The following SLC26A4 variants were observed in gnomAD, a reference collection of about 807,000 sequenced individuals.
SLC26A4 encodes the protein solute carrier family 26 member 4.
Under a neutral mutation model 90.4 loss-of-function variants are expected in SLC26A4, and 93 were observed. The observed-to-expected ratio is 1.03, with a 90% CI of 0.87 to 1.22. The LOEUF is 1.22. Among genes scored for constraint, SLC26A4 ranks in the 50% most tolerant of loss-of-function variants. The probability of loss-of-function intolerance (pLI) is 0.00; values close to 1 mark genes in which losing one functional copy is unlikely to be tolerated. For missense variants in SLC26A4, 1,127 were observed against 946.2 expected (o/e 1.19, Z -2.51); for synonymous variants, 393 against 354.6 (o/e 1.11, Z -1.22).
chr7:107,677,450 T>G (rs1791056672), intron 6 of SLC26A4, among the ~76,000 whole-genome samples: 1 of 152,144 alleles, frequency 6.6e-6, no homozygotes, highest in African/African-American at 2.4e-5. Flanking sequence ...TTTATTATTA[T>G]TATTATCACA....
In SLC26A4 at chr7:107,695,613, C is replaced by A. The variant is rs2188561; in HGVS notation, c.1438-320C>A. ...AGCTCAGGAATTTGAGACCAGCCTG[C>A]GTAACACAGTGAGACCTTGTCTCTA... is the stretch of plus-strand genomic sequence containing the variant. On this transcript the variant is annotated intron_variant, in intron 12 of 20. Transcript: ENST00000644269. Among the ~76,000 whole-genome samples, 29,268 of 151,992 alleles carry A rather than the reference C, an allele frequency of 0.19. 3,602 individuals are homozygous for A. The highest frequency in any genetic ancestry group is 0.42 in the South Asian group (2,001 of 4,814).
chr7:107,713,715 A>C (rs930872715), intron 20 of SLC26A4, among the ~76,000 whole-genome samples: 1 of 152,194 alleles, frequency 6.6e-6, no homozygotes, highest in Non-Finnish European at 1.5e-5. Context: ...CATAATAGCA[A>C]CATCAGAATT....
intron 3 of SLC26A4, among the ~76,000 whole-genome samples, chr7:107,669,291 T>G (rs1436581520): frequency 6.6e-6 from 1 of 152,178 alleles, no homozygotes; most frequent in Non-Finnish European, 1.5e-5. Flanking sequence ...ATTTTAAAAC[T>G]GTTGTACCAA....
In SLC26A4 at chr7:107,661,987, G is replaced by T. The variant is rs562873530; in HGVS notation, c.164+182G>T. The stretch of plus-strand genomic sequence containing the variant: ...CTCCACGCCGCCCTTCTGGTGGGAG[G>T]GTGGCTCCATCAGTCTCGGGCCCGA... On this transcript the variant is annotated intron_variant, in intron 2 of 20. Transcript: ENST00000644269. This position sits in a 1 kb window ranked among gnomAD's most constrained non-coding sequence, Gnocchi z 5.1. 1 of 667,346 alleles carries T rather than the reference G, an allele frequency of 1.5e-6. No individual in the cohort carries two copies. Among genetic ancestry groups the T allele is most frequent in the African/African-American group, 1.8e-5 (1 of 54,502 alleles). The allele number at this position is 667,346 out of a possible 1,614,324, so 41.3% of individuals were successfully genotyped here. A position where few individuals can be genotyped will look rare whatever the true frequency, so the allele number is the denominator to read the frequency against.
At chr7:107,683,588 C>CT in intron 8 of SLC26A4, 51 bp downstream of exon 8, 1 of 1,415,540 alleles carries the variant, frequency 7.1e-7, no homozygotes, top group Admixed American at 1.7e-5. Context: ...GTAAGTCAGT[C>CT]TTTTTTATTT....
intron 6 of SLC26A4, among the ~76,000 whole-genome samples, chr7:107,682,389 G>C (rs1484551399): frequency 1.3e-5 from 2 of 151,730 alleles, no homozygotes; most frequent in East Asian, 3.9e-4. Flanking sequence ...TTAAAAAAAA[G>C]ATTTGATGTA....
At chr7:107,708,704 A>T (rs554994628) in intron 18 of SLC26A4, among the ~76,000 whole-genome samples, 3,727 of 151,796 alleles carry the variant, frequency 0.025, 149 homozygotes, top group African/African-American at 0.085. Flanking sequence ...TTTTTTTTTA[A>T]AAAACAAAAA....
At chr7:107,709,400 G>A (rs1303143119) in intron 18 of SLC26A4, among the ~76,000 whole-genome samples, 1 of 152,166 alleles carries the variant, frequency 6.6e-6, no homozygotes, top group African/African-American at 2.4e-5. Context: ...AGCCTCCTGA[G>A]TAGCTGAGAC....
intron 6 of SLC26A4, among the ~76,000 whole-genome samples, chr7:107,680,139 A>C (rs1388953831): frequency 3.3e-5 from 4 of 122,754 alleles, no homozygotes; most frequent in Non-Finnish European, 4.7e-5. Flanking sequence ...ATTATATAAT[A>C]TAATCTTATC....
chr7:107,676,498 A>G (rs1791027262), intron 6 of SLC26A4, among the ~76,000 whole-genome samples: 1 of 152,220 alleles, frequency 6.6e-6, no homozygotes, highest in African/African-American at 2.4e-5. Context: ...TGTAGATCAC[A>G]CTAATTAGAT....
chr7:107,672,070 T>A, intron 3 of SLC26A4, 68 bp from the exon 4 acceptor site: 1 of 945,052 alleles, frequency 1.1e-6, no homozygotes, highest in South Asian at 1.3e-5. Flanking sequence ...GGAACCATTG[T>A]AAGTTGAGGA....
At chr7:107,694,236 G>T (rs1209440445) in intron 10 of SLC26A4, among the ~76,000 whole-genome samples, 167 bp from the exon 11 acceptor site, 7 of 152,142 alleles carry the variant, frequency 4.6e-5, no homozygotes, top group Admixed American at 4.6e-4. Flanking sequence ...TCAGTTTTGT[G>T]GCTTGAGCAA....
intron 19 of SLC26A4, 66 bp downstream of exon 19, chr7:107,710,265 C>G (rs1792146855): frequency 1.7e-6 from 2 of 1,188,694 alleles, no homozygotes; most frequent in Admixed American, 3.4e-5. Flanking sequence ...AAATGGCAAA[C>G]ATTACACAAG....
intron 18 of SLC26A4, among the ~76,000 whole-genome samples, chr7:107,709,207 C>T (rs1317053654): frequency 6.6e-6 from 1 of 152,174 alleles, no homozygotes; most frequent in African/African-American, 2.4e-5. Flanking sequence ...TGCTTTCTCC[C>T]CCAGTAATGA....
chr7:107,714,405 T>C (rs1252570673), intron 20 of SLC26A4, among the ~76,000 whole-genome samples: 1 of 152,118 alleles, frequency 6.6e-6, no homozygotes, highest in Non-Finnish European at 1.5e-5. Flanking sequence ...CAGGCAGAGA[T>C]TTCTGTGGAG....
At chr7:107,705,340 C>T (rs1045687023) in intron 18 of SLC26A4, among the ~76,000 whole-genome samples, 4 of 152,032 alleles carry the variant, frequency 2.6e-5, no homozygotes, top group African/African-American at 7.2e-5. Flanking sequence ...AGAGACCATT[C>T]GATGTCTGAC....
chr7:107,690,612 A>G (rs887735753), intron 10 of SLC26A4, among the ~76,000 whole-genome samples: 5 of 152,196 alleles, frequency 3.3e-5, no homozygotes, highest in African/African-American at 4.8e-5. Context: ...GAGCTATTCT[A>G]TTTTCAGGAA....
intron 19 of SLC26A4, 58 bp downstream of exon 19, chr7:107,710,257 A>G: frequency 8.1e-7 from 1 of 1,240,276 alleles, no homozygotes; most frequent in African/African-American, 1.5e-5. Context: ...ATTTCTATAA[A>G]TGGCAAACAT....
intron 17 of SLC26A4, 108 bp from the exon 18 acceptor site, chr7:107,704,223 A>G: frequency 3.0e-6 from 2 of 676,384 alleles, no homozygotes; most frequent in Non-Finnish European, 5.5e-6. Context: ...TAAAGTCCTG[A>G]TTAACCATGA....
Sources: gnomAD v4.1 joint callset for allele counts (sites outside exome capture counted in the v4.1 genomes callset) on GRCh38, gnomAD v4.1.1 for gene constraint, Gnocchi (gnomAD v3.1) non-coding constraint, MANE v1.5 for transcripts, NCBI Gene and HGNC (gene_info 2026-07-23, HGNC 2026-07-21) for gene names.